The following ZNF423 variants were observed in gnomAD, a reference collection of about 807,000 sequenced individuals.
ZNF423 encodes the protein zinc finger protein 423.
In ZNF423, 12 loss-of-function variants were observed where a neutral mutation model predicts 95.8. The ratio of observed to expected loss-of-function variants is 0.13; its 90% CI spans 0.08 to 0.20. The LOEUF is 0.20. Among genes scored for constraint, ZNF423 ranks in the 10% least tolerant of loss-of-function variants. The pLI is 1.00. For missense variants in ZNF423, 1,316 were observed against 1,737.1 expected (o/e 0.76, Z 4.31); for synonymous variants, 749 against 711.9 (o/e 1.05, Z -0.83).
chr16:49,839,777 C>T (rs990027055), intron 1 of ZNF423, among the ~76,000 whole-genome samples: 11 of 152,148 alleles, frequency 7.2e-5, no homozygotes, highest in African/African-American at 2.7e-4. Flanking sequence ...GAGACAGAGG[C>T]TCAGAGAAGG....
At chr16:49,618,998 A>T (rs544377614) in intron 5 of ZNF423, among the ~76,000 whole-genome samples, 1 of 152,272 alleles carries the variant, frequency 6.6e-6, no homozygotes, top group South Asian at 2.1e-4. Flanking sequence ...GTTCTGTTGC[A>T]GTACTGAATT....
intron 5 of ZNF423, among the ~76,000 whole-genome samples, chr16:49,608,517 C>T (rs1971614348): frequency 6.6e-6 from 1 of 152,154 alleles, no homozygotes; most frequent in African/African-American, 2.4e-5. Context: ...AAACCCTGAA[C>T]ATTATATATG....
At chr16:49,784,810 TGTG>T (rs1390450429) in intron 2 of ZNF423, among the ~76,000 whole-genome samples, 2 of 151,700 alleles carry the variant, frequency 1.3e-5, no homozygotes, top group African/African-American at 4.8e-5. Context: ...ATTAGTCAGG[TGTG>T]GTGGCACACG....
chr16:49,663,256 C>T (rs1370788544), intron 3 of ZNF423, among the ~76,000 whole-genome samples: 1 of 152,206 alleles, frequency 6.6e-6, no homozygotes, highest in Non-Finnish European at 1.5e-5. Context: ...TTCTGAAACG[C>T]TGTGTAATTG....
intron 5 of ZNF423, among the ~76,000 whole-genome samples, chr16:49,601,448 G>A (rs866565738): frequency 1.3e-5 from 2 of 152,182 alleles, no homozygotes; most frequent in African/African-American, 4.8e-5. Context: ...TGTTATTATC[G>A]TGTTAAAACT....
rs143660882 is a variant in ZNF423, at chr16:49,789,474, C to T, written c.100+13G>A. On this transcript the variant is annotated intron_variant, in intron 2 of 7. Transcript: ENST00000563137. ...ACCCCCTGCAACTCTTCCACCAGCCCCCGGGCATTTACCTGCTGCTGTCAC... is the reference window on the plus strand; with the variant it reads ...ACCCCCTGCAACTCTTCCACCAGCCTCCGGGCATTTACCTGCTGCTGTCAC... 1,294 of 1,611,418 alleles carry T rather than the reference C, an allele frequency of 8.0e-4. 5 individuals carry two copies. The African/African-American group carries it at 0.015, about 19-fold the overall frequency.
intron 5 of ZNF423, among the ~76,000 whole-genome samples, chr16:49,578,949 G>A (rs1045947507): frequency 1.2e-4 from 19 of 152,260 alleles, no homozygotes; most frequent in African/African-American, 4.6e-4. Flanking sequence ...GTGTGTTTCA[G>A]GGAAACAAAA....
chr16:49,666,123 C>A (rs1280329954), intron 3 of ZNF423, among the ~76,000 whole-genome samples: 1 of 152,182 alleles, frequency 6.6e-6, no homozygotes. Flanking sequence ...GAATGCGGCC[C>A]CCCAGATCCT....
rs2035344398 is a variant in ZNF423 at position 49,855,018 on chromosome 16, C to A, written c.40+717G>T. 4 of 984,802 alleles carry A rather than the reference C, an allele frequency of 4.1e-6. No individual in the cohort carries two copies. The highest frequency in any genetic ancestry group is 4.8e-6 in the Non-Finnish European group (4 of 829,720). 61.0% of individuals were successfully genotyped at this position (984,802 alleles called of 1,614,324 possible). On this transcript the variant is annotated intron_variant, in intron 1 of 7. Coordinates refer to ENST00000563137, the MANE Select transcript of ZNF423 (RefSeq NM_001379286.1). The surrounding 1 kb of genome is among the most constrained non-coding windows in gnomAD (Gnocchi z 4.7). ...CGCGGCCGCTGAGCTCCCCTGAGGA[C>A]CTGCGTCCCGCCGGCGCCGTGCAGA...
intron 5 of ZNF423, among the ~76,000 whole-genome samples, chr16:49,528,537 A>C (rs1210568938): frequency 6.6e-6 from 1 of 152,148 alleles, no homozygotes; most frequent in East Asian, 1.9e-4. Flanking sequence ...AACCTGGGGA[A>C]AGAGGGGAGG....
Position 49,616,279 on chromosome 16 carries a change from G to A in ZNF423, c.3601+9891C>T, listed in dbSNP as rs969118838. On this transcript the variant is annotated intron_variant, in intron 5 of 7. Coordinates refer to ENST00000563137, the MANE Select transcript of ZNF423 (RefSeq NM_001379286.1). ...GTAGGAGCTAAAATTTAAAACAACT[G>A]AACTCATGGAGATAGAGTGCAGAGT... is the stretch of plus-strand genomic sequence containing the variant. 1.6e-4 allele frequency among the ~76,000 whole-genome samples: 25 copies of A among 152,124 alleles called. 1 individual carries two copies. The highest frequency in any genetic ancestry group is 1.5e-3 in the Admixed American group (23 of 15,264).
In ZNF423 at chr16:49,771,888, G is replaced by C. The variant is rs902742939; in HGVS notation, c.100+17599C>G. ...CATACCCTCACCAGGGTTCTCCCAA[G>C]AACTAGAGCCTTAGCCAGGGTTCTC... On this transcript the variant is annotated intron_variant, in intron 2 of 7. Coordinates refer to ENST00000563137, the MANE Select transcript of ZNF423 (RefSeq NM_001379286.1). 7.2e-5 allele frequency among the ~76,000 whole-genome samples: 11 copies of C among 152,116 alleles called. No individual in the cohort carries two copies. The East Asian group carries it at 7.7e-4, about 11-fold the overall frequency.
intron 3 of ZNF423, among the ~76,000 whole-genome samples, chr16:49,672,759 A>G (rs2030870612): frequency 6.6e-6 from 1 of 152,214 alleles, no homozygotes; most frequent in Non-Finnish European, 1.5e-5. Flanking sequence ...CGGAGGTTGC[A>G]CTGAGCCGAG....
intron 3 of ZNF423, among the ~76,000 whole-genome samples, chr16:49,685,610 G>C (rs1054428692): frequency 6.6e-6 from 1 of 152,120 alleles, no homozygotes; most frequent in African/African-American, 2.4e-5. Flanking sequence ...ATCCTCCTGG[G>C]TTTCTCCAAA....
chr16:49,637,781 G>A lies in ZNF423; in HGVS notation c.1395C>T (p.Asn465=), dbSNP rs771151153. ...TCTTGTGCAGCTTGCGAACGTGCTC[G>A]TTGAGGTTGTAGAGGGTGGGCATGG... ...LDSMPTLYNL[N]EHVRKLHKNH... is the part of the protein sequence containing the mutation. Residue 465 remains asparagine, a synonymous_variant, in exon 4 of 8, where the codon AAC becomes AAT. Transcript: ENST00000563137. This position sits in a 1 kb window ranked among gnomAD's most constrained non-coding sequence, Gnocchi z 5.6. The A allele has an allele frequency of 3.5e-5, 56 of 1,614,024 alleles. No homozygotes were observed. The highest frequency in any genetic ancestry group is 1.6e-4 in the Middle Eastern group (1 of 6,084).
At chr16:49,569,036 G>A (rs575246737) in intron 5 of ZNF423, among the ~76,000 whole-genome samples, 1 of 152,030 alleles carries the variant, frequency 6.6e-6, no homozygotes, top group South Asian at 2.1e-4. Flanking sequence ...ACATCCCTCC[G>A]AGGAAAACCC....
At position 49,638,711 on chromosome 16, in the gene ZNF423, G is replaced by A. The variant is rs1411898688; in HGVS notation, c.465C>T (p.Phe155=). The A allele has an allele frequency of 3.1e-6, 5 of 1,614,212 alleles. 1 individual carries two copies. In the South Asian group the frequency reaches 4.4e-5, roughly 14 times the overall value. The change falls in exon 4 of 8, where the codon TTC becomes TTT. Residue 155 remains phenylalanine (F), a synonymous_variant. Transcript: ENST00000563137. This position sits in a 1 kb window ranked among gnomAD's most constrained non-coding sequence, Gnocchi z 5.6. The stretch of plus-strand genomic sequence containing the variant: ...GCCTCTTCAAGTAGCTCAAGCGGAT[G>A]AAGGACTTGTCGCAGAACTGGCAAG... ...PYPCQFCDKS[F]IRLSYLKRHE...
At chr16:49,856,999 C>T (rs1413032667), upstream of ZNF423, among the ~76,000 whole-genome samples, 1 of 147,978 alleles carries the variant, frequency 6.8e-6, no homozygotes, top group Non-Finnish European at 1.5e-5. Context: ...GCGCTCCAGC[C>T]GGCGCCGGCC....
intron 1 of ZNF423, chr16:49,847,661 CT>C (rs1297371252): frequency 6.8e-6 from 1 of 148,120 alleles, no homozygotes; most frequent in Non-Finnish European, 1.5e-5. Flanking sequence ...TTCTAAGCCT[CT>C]GTTTCTCATT....
Sources: gnomAD v4.1 joint callset for allele counts (sites outside exome capture counted in the v4.1 genomes callset) on GRCh38, gnomAD v4.1.1 for gene constraint, Gnocchi (gnomAD v3.1) non-coding constraint, MANE v1.5 for transcripts, NCBI Gene and HGNC (gene_info 2026-07-23, HGNC 2026-07-21) for gene names.